THSD7B: variants seen among roughly 807,000 people sequenced by gnomAD.
The protein encoded by THSD7B is thrombospondin type-1 domain-containing protein 7B.
A neutral mutation model predicts 213.6 loss-of-function variants in THSD7B; 138 were observed. That is an observed-to-expected ratio of 0.65 (90% CI 0.56 to 0.74). THSD7B has a LOEUF of 0.74. Ranked by LOEUF, THSD7B falls within the 30% of genes least tolerant of loss-of-function variation. The probability of loss-of-function intolerance (pLI) is 0.00; values close to 1 mark genes in which losing one functional copy is unlikely to be tolerated. For missense variants in THSD7B, 1,931 were observed against 1,991.5 expected, an observed-to-expected ratio of 0.97 and a Z score of 0.58; for synonymous variants, 742 against 687.0, an observed-to-expected ratio of 1.08 and a Z score of -1.25.
At chr2:137,546,478 A>T (rs1349083013) in intron 15 of THSD7B, among the ~76,000 whole-genome samples, 15 of 55,620 alleles carry the variant, frequency 2.7e-4, no homozygotes, top group South Asian at 1.6e-3. Context: ...ATATATATAT[A>T]ATATATATAT....
At chr2:136,771,720 A>T (rs1681509316) in intron 1 of THSD7B, among the ~76,000 whole-genome samples, 2 of 152,150 alleles carry the variant, frequency 1.3e-5, no homozygotes, top group Admixed American at 1.3e-4. Flanking sequence ...GTTTGATTGA[A>T]TCTATTTTCT....
At chr2:136,799,121 C>T (rs1682123460) in intron 1 of THSD7B, among the ~76,000 whole-genome samples, 1 of 151,950 alleles carries the variant, frequency 6.6e-6, no homozygotes, top group Non-Finnish European at 1.5e-5. Flanking sequence ...TATCTTTCAT[C>T]TAGATTTGCT....
chr2:137,404,470 TATATACAC>T (rs1490767074), intron 12 of THSD7B, among the ~76,000 whole-genome samples: 137 of 62,470 alleles, frequency 2.2e-3, no homozygotes, highest in Admixed American at 0.013. Context: ...TATATATATA[TATATACAC>T]ACACACACAC....
chr2:137,590,802 T>G (rs897363307), intron 17 of THSD7B, among the ~76,000 whole-genome samples: 4 of 146,796 alleles, frequency 2.7e-5, no homozygotes, highest in Non-Finnish European at 4.5e-5. Flanking sequence ...GTTTTTTTTT[T>G]TTTTTTTTTT....
At chr2:137,555,960 G>A (rs948902560) in intron 15 of THSD7B, among the ~76,000 whole-genome samples, 2 of 152,126 alleles carry the variant, frequency 1.3e-5, no homozygotes, top group Non-Finnish European at 2.9e-5. Flanking sequence ...AAGATCAAAT[G>A]AATGAAATGT....
At position 137,655,676 on chromosome 2, in the gene THSD7B, G is replaced by A; in HGVS notation, c.4105+16G>A. The A allele has an allele frequency of 1.2e-6, 2 of 1,608,848 alleles. No individual in the cohort carries two copies. The highest frequency in any genetic ancestry group is 1.7e-6 in the Non-Finnish European group (2 of 1,176,986). On this transcript the variant is annotated intron_variant, in intron 22 of 27. Transcript: ENST00000409968. ...CCTTGCCCAGGTATGCAATGCTAGTGATTGGGAGCGCCTCCCATGGTGATC... is the reference window on the plus strand; with the variant it reads ...CCTTGCCCAGGTATGCAATGCTAGTAATTGGGAGCGCCTCCCATGGTGATC...
chr2:136,973,848 T>C lies in THSD7B; in HGVS notation c.140-82572T>C, dbSNP rs139277790. Among the ~76,000 whole-genome samples the C allele has an allele frequency of 1.7e-3, 264 of 152,334 alleles. 1 individual carries two copies. Among genetic ancestry groups the C allele is most frequent in the African/African-American group, 6.1e-3 (255 of 41,576 alleles). On this transcript the variant is annotated intron_variant, in intron 2 of 27. Transcript: ENST00000409968. ...TATGTGGAGTTTTGATGAAAGTAGA[T>C]GTTTTATTCCTCACTGATTTGTGTT... is the stretch of plus-strand genomic sequence containing the variant.
At chr2:137,005,037 T>A (rs1349601623) in intron 2 of THSD7B, among the ~76,000 whole-genome samples, 2 of 152,302 alleles carry the variant, frequency 1.3e-5, no homozygotes, top group East Asian at 1.9e-4. Flanking sequence ...ACAAACATAG[T>A]CTTATTAAAT....
chr2:137,597,944 G>T lies in THSD7B; in HGVS notation c.3424-18231G>T, dbSNP rs79493416. 2.6e-3 allele frequency among the ~76,000 whole-genome samples: 388 copies of T among 152,128 alleles called. 14 individuals carry two copies. The East Asian group carries it at 0.065, about 26-fold the overall frequency. On this transcript the variant is annotated intron_variant, in intron 17 of 27. Coordinates refer to ENST00000409968, the MANE Select transcript of THSD7B (RefSeq NM_001316349.2). Reference sequence around the variant, plus strand: ...GGTTAGTTAGTAAATATTTCTCAAAGAGTTCCTAAGATAAATAAATGGTAG... The same window carrying T: ...GGTTAGTTAGTAAATATTTCTCAAATAGTTCCTAAGATAAATAAATGGTAG...
chr2:136,858,332 G>C (rs1203403868), intron 1 of THSD7B, among the ~76,000 whole-genome samples: 2 of 152,014 alleles, frequency 1.3e-5, no homozygotes, highest in Non-Finnish European at 2.9e-5. Context: ...ATAATCTATA[G>C]TTCTATCCAA....
chr2:137,247,827 G>C (rs966286333), intron 10 of THSD7B, among the ~76,000 whole-genome samples: 1 of 152,072 alleles, frequency 6.6e-6, no homozygotes, highest in African/African-American at 2.4e-5. Context: ...TCTTGAGTTA[G>C]ATTTCCTTGA....
intron 12 of THSD7B, among the ~76,000 whole-genome samples, chr2:137,399,393 A>G (rs907387730): frequency 2.6e-5 from 4 of 151,970 alleles, no homozygotes; most frequent in Non-Finnish European, 4.4e-5. Flanking sequence ...GGGTTTCACC[A>G]TGTTGGCCAA....
chr2:137,586,918 T>G (rs764324029), intron 17 of THSD7B, among the ~76,000 whole-genome samples: 14 of 152,222 alleles, frequency 9.2e-5, no homozygotes, highest in Non-Finnish European at 1.9e-4. Context: ...CTGGAAAATA[T>G]CCTGCAGAGT....
chr2:137,628,454 A>G (rs539823200), intron 20 of THSD7B, among the ~76,000 whole-genome samples: 1 of 152,306 alleles, frequency 6.6e-6, no homozygotes, highest in Admixed American at 6.5e-5. Flanking sequence ...CAATTTCCCT[A>G]TTTTTATGGA....
At position 137,406,302 on chromosome 2, in the gene THSD7B, G is replaced by A. The variant is rs192810423; in HGVS notation, c.2695+495G>A. ...TACATATACTCATTCTGCTTTTGTG[G>A]TATATTATTAATTATGAGTTCTGTT... is the stretch of plus-strand genomic sequence containing the variant. On this transcript the variant is annotated intron_variant, in intron 13 of 27. Transcript: ENST00000409968. Among the ~76,000 whole-genome samples, 194 of 152,216 alleles carry A rather than the reference G, an allele frequency of 1.3e-3. 1 individual carries two copies. The highest frequency in any genetic ancestry group is 4.3e-3 in the African/African-American group (180 of 41,524).
At chr2:137,331,670 C>A (rs574489598) in intron 12 of THSD7B, among the ~76,000 whole-genome samples, 1 of 152,076 alleles carries the variant, frequency 6.6e-6, no homozygotes, top group Non-Finnish European at 1.5e-5. Flanking sequence ...CGGTGCTCAT[C>A]GGGGAGGCTC....
At position 137,148,006 on chromosome 2, in the gene THSD7B, TG is replaced by T. The variant is rs113956902; in HGVS notation, c.1370-12205del. On this transcript the variant is annotated intron_variant, in intron 5 of 27. Transcript: ENST00000409968. The stretch of plus-strand genomic sequence containing the variant: ...TTATAGTGATGTTAGGTGCTTGATA[TG>T]GTTTAGCTGTGTCCCCACCCAAATT... Among the ~76,000 whole-genome samples the T allele has an allele frequency of 6.3e-3, 952 of 152,272 alleles. 13 individuals carry two copies. The highest frequency in any genetic ancestry group is 0.02 in the African/African-American group (828 of 41,554).
chr2:137,548,439 T>C lies in THSD7B; in HGVS notation c.3139-14782T>C, dbSNP rs567677577. ...TCACCTCATGCTGAGACCATAGCAA[T>C]GTCCTCCTTTCTCAGCCCTTCCACA... On this transcript the variant is annotated intron_variant, in intron 15 of 27. Transcript: ENST00000409968. Among the ~76,000 whole-genome samples the C allele has an allele frequency of 2.0e-4, 30 of 152,090 alleles. No individual in the cohort carries two copies. The Middle Eastern group carries it at 0.01, about 52-fold the overall frequency.
intron 1 of THSD7B, among the ~76,000 whole-genome samples, chr2:136,818,012 G>A (rs199977663): frequency 0.12 from 17,658 of 142,118 alleles, 983 homozygotes; most frequent in Middle Eastern, 0.27. Flanking sequence ...ATCTAGAACT[G>A]GAAATACCAT....
Sources: gnomAD v4.1 joint callset for allele counts (sites outside exome capture counted in the v4.1 genomes callset) on GRCh38, gnomAD v4.1.1 for gene constraint, MANE v1.5 for transcripts, NCBI Gene and HGNC (gene_info 2026-07-23, HGNC 2026-07-21) for gene names.